CPEB3: variants seen among roughly 807,000 people sequenced by gnomAD.
CPEB3 encodes the protein cytoplasmic polyadenylation element-binding protein 3.
A neutral mutation model predicts 67.2 loss-of-function variants in CPEB3; 20 were observed. The ratio of observed to expected loss-of-function variants is 0.30; its 90% confidence interval spans 0.21 to 0.43. The LOEUF is 0.43. Among genes scored for constraint, CPEB3 ranks in the 20% least tolerant of loss-of-function variants. The pLI, the probability that CPEB3 is intolerant of heterozygous loss-of-function variation, is 1.00. For synonymous variants in CPEB3, 376 were observed against 393.1 expected (o/e 0.96, Z 0.51); for missense variants, 746 against 968.6 (o/e 0.77, Z 3.05).
intron 4 of CPEB3, among the ~76,000 whole-genome samples, chr10:92,154,824 T>C (rs897745666): frequency 2.0e-4 from 30 of 152,330 alleles, no homozygotes; most frequent in African/African-American, 7.2e-4. Flanking sequence ...TTTCAACACT[T>C]ATCAGGAGAG....
chr10:92,132,618 G>A (rs1845896056), intron 6 of CPEB3, among the ~76,000 whole-genome samples: 1 of 151,888 alleles, frequency 6.6e-6, no homozygotes, highest in African/African-American at 2.4e-5. Context: ...AGGTTAAGAA[G>A]GTTAACAAGG....
intron 2 of CPEB3, among the ~76,000 whole-genome samples, chr10:92,222,755 A>T (rs1850764736): frequency 6.6e-6 from 1 of 152,102 alleles, no homozygotes; most frequent in Non-Finnish European, 1.5e-5. Flanking sequence ...TGCAGTTCTG[A>T]TGGCTCCTGT....
intron 2 of CPEB3, among the ~76,000 whole-genome samples, chr10:92,193,639 G>A (rs536080338): frequency 1.3e-5 from 2 of 150,212 alleles, no homozygotes; most frequent in South Asian, 2.1e-4. Context: ...TTTTTTTTAA[G>A]AGATGGGGTC....
intron 1 of CPEB3, among the ~76,000 whole-genome samples, chr10:92,288,365 C>G (rs1842636300): frequency 6.7e-6 from 1 of 150,210 alleles, no homozygotes; most frequent in African/African-American, 2.5e-5. Flanking sequence ...GGGGCTGAGG[C>G]AGGGGGAGTG....
At chr10:92,264,220 T>C (rs1446468846) in intron 1 of CPEB3, among the ~76,000 whole-genome samples, 1 of 150,744 alleles carries the variant, frequency 6.6e-6, no homozygotes, top group Non-Finnish European at 1.5e-5. Context: ...CCCAACTACT[T>C]GGGAGGCTGA....
At chr10:92,137,758 G>A (rs1169533466) in intron 6 of CPEB3, 4 of 296,344 alleles carry the variant, frequency 1.3e-5, no homozygotes, top group East Asian at 8.4e-5. Context: ...CAGCACTTTG[G>A]GAGGCCAAGG....
Position 92,129,884 on chromosome 10 carries a change from A to T in CPEB3, c.1453+13145T>A, listed in dbSNP as rs566185226. ...GAGCAAGACTCTGTCTCCACAAAAAATAAAAATAAAAAATAAGCCAGGCAT... is the reference window on the plus strand; with the variant it reads ...GAGCAAGACTCTGTCTCCACAAAAATTAAAAATAAAAAATAAGCCAGGCAT... On this transcript the variant is annotated intron_variant, in intron 6 of 9. Transcript: ENST00000265997. Among the ~76,000 whole-genome samples the T allele has an allele frequency of 2.9e-4, 44 of 152,184 alleles. No individual in the cohort carries two copies. In the East Asian group the frequency reaches 7.2e-3, roughly 25 times the overall value.
intron 1 of CPEB3, among the ~76,000 whole-genome samples, chr10:92,276,859 T>C (rs1842010704): frequency 6.6e-6 from 1 of 152,224 alleles, no homozygotes; most frequent in Non-Finnish European, 1.5e-5. Flanking sequence ...TGTTATTAGC[T>C]ATCCTATGAT....
At chr10:92,087,300 A>G (rs1461325130) in intron 8 of CPEB3, among the ~76,000 whole-genome samples, 1 of 152,212 alleles carries the variant, frequency 6.6e-6, no homozygotes, top group Non-Finnish European at 1.5e-5. Context: ...AGGCAGAGAA[A>G]GAAATTTCAG....
At chr10:92,289,732 A>AAAAAAAAAAAAAAAAAAAAAAATATAT in intron 1 of CPEB3, among the ~76,000 whole-genome samples, 1 of 75,772 alleles carries the variant, frequency 1.3e-5, no homozygotes, top group Non-Finnish European at 2.6e-5. Context: ...AAAAAAAAAA[A>AAAAAAAAAAAAAAAAAAAAAAATATAT]ATATATATAT....
intron 2 of CPEB3, among the ~76,000 whole-genome samples, chr10:92,226,701 T>C (rs1850991485): frequency 6.6e-6 from 1 of 152,014 alleles, no homozygotes; most frequent in Non-Finnish European, 1.5e-5. Flanking sequence ...CAATGTAGCA[T>C]AAGAGGAATT....
chr10:92,063,474 T>A (rs1842433934), intron 9 of CPEB3, among the ~76,000 whole-genome samples: 1 of 152,098 alleles, frequency 6.6e-6, no homozygotes, highest in African/African-American at 2.4e-5. Context: ...AATAAATCAG[T>A]CAGACACCAG....
At chr10:92,197,808 T>C (rs1849311292) in intron 2 of CPEB3, among the ~76,000 whole-genome samples, 1 of 152,184 alleles carries the variant, frequency 6.6e-6, no homozygotes, top group South Asian at 2.1e-4. Flanking sequence ...TTTTGTCCCA[T>C]TTTATAAATT....
rs539452717 is a variant in CPEB3, at chr10:92,132,696, C to T, written c.1453+10333G>A. 2.8e-3 allele frequency among the ~76,000 whole-genome samples: 423 copies of T among 152,272 alleles called. 3 individuals are homozygous for T. The highest frequency in any genetic ancestry group is 9.8e-3 in the African/African-American group (407 of 41,554). ...TAGACGTCTACAGAACTCTCCACCC[C>T]AAATCAACAGAACATACGTTCTTGT... On this transcript the variant is annotated intron_variant, in intron 6 of 9. Coordinates refer to ENST00000265997, the MANE Select transcript of CPEB3 (RefSeq NM_014912.5).
intron 8 of CPEB3, among the ~76,000 whole-genome samples, chr10:92,082,403 C>A (rs1303063029): frequency 6.6e-6 from 1 of 151,812 alleles, no homozygotes; most frequent in Admixed American, 6.6e-5. Flanking sequence ...CTCAGCCTCC[C>A]GAGTAGCTGG....
At chr10:92,204,262 G>A (rs1270988455) in intron 2 of CPEB3, 1 of 147,780 alleles carries the variant, frequency 6.8e-6, no homozygotes, top group Admixed American at 6.7e-5. Context: ...AATCTGACAG[G>A]GGCTGCGACG....
chr10:92,109,714 T>C (rs1363327727), intron 7 of CPEB3, among the ~76,000 whole-genome samples: 1 of 152,234 alleles, frequency 6.6e-6, no homozygotes, highest in Non-Finnish European at 1.5e-5. Flanking sequence ...CCACATCATT[T>C]GCTTACTCTC....
intron 1 of CPEB3, among the ~76,000 whole-genome samples, chr10:92,277,301 T>C (rs937822627): frequency 3.3e-5 from 5 of 152,246 alleles, no homozygotes; most frequent in African/African-American, 1.2e-4. Context: ...TCATCCATTT[T>C]GAATTAATTT....
At chr10:92,216,183 A>G in intron 2 of CPEB3, 1 of 639,196 alleles carries the variant, frequency 1.6e-6, no homozygotes, top group Non-Finnish European at 2.7e-6. Flanking sequence ...CACGCCTGTA[A>G]TCCCAGCACT....
Sources: allele counts gnomAD v4.1 joint callset (sites outside exome capture counted in the v4.1 genomes callset), GRCh38; gene constraint gnomAD v4.1.1; transcripts MANE v1.5; gene names NCBI Gene and HGNC (gene_info 2026-07-23, HGNC 2026-07-21).